ASH2L: variants seen among roughly 807,000 people sequenced by gnomAD.
The protein encoded by ASH2L is set1/Ash2 histone methyltransferase complex subunit ASH2.
Under a neutral mutation model 81.1 loss-of-function variants are expected in ASH2L, and 30 were observed. That is an observed-to-expected ratio of 0.37 (90% CI 0.28 to 0.50). ASH2L has a LOEUF of 0.50. Among genes scored for constraint, ASH2L ranks in the 20% least tolerant of loss-of-function variants. The pLI, the probability that ASH2L is intolerant of heterozygous loss-of-function variation, is 0.95. For synonymous variants in ASH2L, 273 were observed against 279.9 expected, an observed-to-expected ratio of 0.98 and a Z score of 0.24; for missense variants, 559 against 792.1, an observed-to-expected ratio of 0.71 and a Z score of 3.53.
In ASH2L at chr8:38,114,228, A is replaced by G. The variant is rs1278474518; in HGVS notation, c.622A>G (p.Met208Val). 1 of 1,606,912 alleles carries G rather than the reference A, an allele frequency of 6.2e-7. No homozygotes were observed. The highest frequency in any genetic ancestry group is 1.1e-5 in the South Asian group (1 of 89,834). ...IPFIDKYWEC[M>V]TTRQRPGKMT... ...ATTTATTGATAAATACTGGGAGTGC[A>G]TGACAACCAGACAGAGACCTGGGAA... Residue 208 changes from methionine to valine, a missense_variant, in exon 6 of 16, where the codon ATG becomes GTG. Met to Val is a conservative substitution (Grantham distance 21, BLOSUM62 1). Around this residue, in one of 4 missense-constraint regions of ASH2L, gnomAD observed 318 missense variants for 527.0 expected, o/e 0.60. Transcript: ENST00000343823.
At chr8:38,113,398 A>G (rs1810764086) in intron 5 of ASH2L, among the ~76,000 whole-genome samples, 1 of 152,172 alleles carries the variant, frequency 6.6e-6, no homozygotes, top group African/African-American at 2.4e-5. Context: ...ACTTTCTGGA[A>G]CAACAAAATA....
At chr8:38,105,856 T>C in intron 1 of ASH2L, 118 bp downstream of exon 1, 6 of 1,431,896 alleles carry the variant, frequency 4.2e-6, no homozygotes, top group Non-Finnish European at 5.5e-6. Context: ...CGCCAATGGC[T>C]CGCCCTGCCT....
chr8:38,129,116 A>G (rs577574183), intron 12 of ASH2L, among the ~76,000 whole-genome samples, 165 bp downstream of exon 12: 1 of 152,302 alleles, frequency 6.6e-6, no homozygotes, highest in East Asian at 1.9e-4. Context: ...GTGCACAAAT[A>G]GTCATCCATT....
intron 8 of ASH2L, among the ~76,000 whole-genome samples, chr8:38,117,973 C>T (rs1008000571): frequency 4.0e-4 from 61 of 152,198 alleles, no homozygotes; most frequent in African/African-American, 1.4e-3. Flanking sequence ...GCAGGAGAAT[C>T]GTTTGAACCC....
chr8:38,121,935 C>T lies in ASH2L; in HGVS notation c.1165+786C>T, dbSNP rs185072936. On this transcript the variant is annotated intron_variant, in intron 10 of 15. Transcript: ENST00000343823. ...ACAAATGTCTTAGGCAAAAATACAT[C>T]GAGTCTATCTATGCAAATATCTTGT... Among the ~76,000 whole-genome samples, 57 of 152,262 alleles carry T rather than the reference C, an allele frequency of 3.7e-4. No homozygotes were observed. The East Asian group carries it at 7.1e-3, about 19-fold the overall frequency.
intron 3 of ASH2L, among the ~76,000 whole-genome samples, chr8:38,109,848 A>G (rs972079814): frequency 2.0e-5 from 3 of 152,198 alleles, no homozygotes; most frequent in African/African-American, 7.2e-5. Flanking sequence ...TTCTACAGCT[A>G]GCCTGGCATA....
Position 38,107,118 on chromosome 8 carries a change from G to T in ASH2L, c.353G>T (p.Gly118Val). The T allele has an allele frequency of 6.2e-7, 1 of 1,614,094 alleles. No individual in the cohort carries two copies. The highest frequency in any genetic ancestry group is 8.5e-7 in the Non-Finnish European group (1 of 1,180,030). Residue 118 changes from glycine to valine, a missense_variant, in exon 3 of 16, where the codon GGG becomes GTG. By Grantham distance (109) the Gly-to-Val change is moderately radical. Coordinates refer to ENST00000343823, the MANE Select transcript of ASH2L (RefSeq NM_004674.5). ...RQLGEVELQC[G>V]ICTKWFTADT... The stretch of plus-strand genomic sequence containing the variant: ...TTGGGTGAGGTAGAGCTGCAATGTG[G>T]GATTTGTACAAAATGGTTCACGGCT...
At chr8:38,107,722 CTGTT>C (rs966065401) in intron 3 of ASH2L, among the ~76,000 whole-genome samples, 15 of 152,072 alleles carry the variant, frequency 9.9e-5, no homozygotes, top group Non-Finnish European at 1.9e-4. Context: ...TACTGACTGT[CTGTT>C]GGAATAATTG....
At chr8:38,132,796 CAA>C (rs35293220) in intron 12 of ASH2L, among the ~76,000 whole-genome samples, 5 of 130,480 alleles carry the variant, frequency 3.8e-5, no homozygotes, top group Admixed American at 7.9e-5. Flanking sequence ...GAGACTGTCT[CAA>C]AAAAAAAAAA....
chr8:38,130,960 C>G (rs1191483520), intron 12 of ASH2L, among the ~76,000 whole-genome samples: 1 of 152,158 alleles, frequency 6.6e-6, no homozygotes, highest in African/African-American at 2.4e-5. Flanking sequence ...TTAACTCTTT[C>G]CTTTCTCCAC....
At position 38,107,253 on chromosome 8, in the gene ASH2L, G is replaced by A. The variant is rs533558287; in HGVS notation, c.401+87G>A. On this transcript the variant is annotated intron_variant, in intron 3 of 15. Coordinates refer to ENST00000343823, the MANE Select transcript of ASH2L (RefSeq NM_004674.5). ...CAGTTACTTTGTGGGCAAAATAAATGCAAAGTATTTCCTATGTCTCCTAAC... is the reference window on the plus strand; with the variant it reads ...CAGTTACTTTGTGGGCAAAATAAATACAAAGTATTTCCTATGTCTCCTAAC... The A allele has an allele frequency of 6.9e-5, 107 of 1,541,622 alleles. 1 individual carries two copies. In the African/African-American group the frequency reaches 1.3e-3, roughly 19 times the overall value.
At chr8:38,127,179 A>AAG (rs1554499861) in intron 10 of ASH2L, among the ~76,000 whole-genome samples, 1 of 150,234 alleles carries the variant, frequency 6.7e-6, no homozygotes, top group East Asian at 2.0e-4. Flanking sequence ...AAAAAAAAAA[A>AAG]CTAGTCAAGA....
intron 5 of ASH2L, among the ~76,000 whole-genome samples, chr8:38,111,182 C>T (rs532322194): frequency 6.6e-6 from 1 of 152,236 alleles, no homozygotes; most frequent in Admixed American, 6.5e-5. Context: ...CCACTGGCTT[C>T]GGCCTCCCAA....
Position 38,116,726 on chromosome 8 carries a change from G to A in ASH2L, c.853+1G>A. 1 of 1,611,140 alleles carries A rather than the reference G, an allele frequency of 6.2e-7. No individual in the cohort carries two copies. Among genetic ancestry groups the A allele is most frequent in the Non-Finnish European group, 8.5e-7 (1 of 1,178,396 alleles). ...GTGTCTACTAGTGGGAATTTAAATGGTAAGTGTTTACATATCTCATTGCTG... is the reference window on the plus strand; with the variant it reads ...GTGTCTACTAGTGGGAATTTAAATGATAAGTGTTTACATATCTCATTGCTG... On this transcript the variant is annotated splice_donor_variant, in intron 8 of 15. Transcript: ENST00000343823. LOFTEE classifies it high-confidence loss of function.
chr8:38,110,280 C>T lies in ASH2L; in HGVS notation c.402-99C>T, dbSNP rs1038635063. 5 of 929,734 alleles carry T rather than the reference C, an allele frequency of 5.4e-6. No individual in the cohort carries two copies. In the African/African-American group the frequency reaches 8.1e-5, roughly 15 times the overall value. 57.6% of individuals were successfully genotyped at this position (929,734 alleles called of 1,614,324 possible). ...TGAGCTATGATTGCACCACTGCACT[C>T]CAGCCTGAGTGGTAGAGTGAGAGCC... is the stretch of plus-strand genomic sequence containing the variant. On this transcript the variant is annotated intron_variant, in intron 3 of 15. Transcript: ENST00000343823.
chr8:38,114,725 T>C (rs888536403), intron 6 of ASH2L, 180 bp from the exon 7 acceptor site: 22 of 569,098 alleles, frequency 3.9e-5, no homozygotes, highest in Non-Finnish European at 6.3e-5. Context: ...GGGCACTCTT[T>C]GTGTTTCTCT....
At chr8:38,106,293 C>G (rs895328474) in intron 1 of ASH2L, 85 bp from the exon 2 acceptor site, 5 of 1,437,170 alleles carry the variant, frequency 3.5e-6, no homozygotes, top group Non-Finnish European at 4.9e-6. Context: ...TGAAGTTCGG[C>G]TGTAATTTGA....
intron 13 of ASH2L, among the ~76,000 whole-genome samples, chr8:38,134,045 C>T (rs1412161922): frequency 1.3e-5 from 2 of 152,168 alleles, no homozygotes; most frequent in Non-Finnish European, 2.9e-5. Context: ...CTCTCTGAAA[C>T]ATGTGCTGTG....
At chr8:38,113,259 C>T (rs1039250321) in intron 5 of ASH2L, among the ~76,000 whole-genome samples, 5 of 152,144 alleles carry the variant, frequency 3.3e-5, no homozygotes, top group African/African-American at 1.2e-4. Context: ...CGTGAGCCAC[C>T]ACGCCCAGCT....
Sources: gnomAD v4.1 joint callset for allele counts (sites outside exome capture counted in the v4.1 genomes callset) on GRCh38, gnomAD v4.1.1 for gene constraint, gnomAD v4.1.1 regional missense constraint, MANE v1.5 for transcripts, NCBI Gene and HGNC (gene_info 2026-07-23, HGNC 2026-07-21) for gene names.